ITGA9: variants seen among roughly 807,000 people sequenced by gnomAD.
ITGA9 encodes the protein integrin subunit alpha 9.
Under a neutral mutation model 127.8 loss-of-function variants are expected in ITGA9, and 56 were observed. The observed-to-expected ratio is 0.44, with a 90% CI of 0.35 to 0.55. The LOEUF is 0.55. ITGA9 is among the 20% of genes least tolerant of loss of function. The pLI, the probability that ITGA9 is intolerant of heterozygous loss-of-function variation, is 0.00. For synonymous variants in ITGA9, 508 were observed against 514.5 expected, an observed-to-expected ratio of 0.99 and a Z score of 0.17; for missense variants, 1,196 against 1,347.1, an observed-to-expected ratio of 0.89 and a Z score of 1.76.
chr3:37,629,819 A>G lies in ITGA9; in HGVS notation c.1839+483A>G, dbSNP rs888110508. Reference sequence around the variant, plus strand: ...ACTGGGGCAAGTACAGGTGGTCCACACTCATCAGATTCTGGGATGTGCGGC... The same window carrying G: ...ACTGGGGCAAGTACAGGTGGTCCACGCTCATCAGATTCTGGGATGTGCGGC... On this transcript the variant is annotated intron_variant, in intron 16 of 27. Coordinates refer to ENST00000264741, the MANE Select transcript of ITGA9 (RefSeq NM_002207.3). The surrounding 1 kb of genome is among the most constrained non-coding windows in gnomAD (Gnocchi z 4.5). 2.0e-5 allele frequency among the ~76,000 whole-genome samples: 3 copies of G among 152,146 alleles called. No homozygotes were observed. Among genetic ancestry groups the G allele is most frequent in the Non-Finnish European group, 4.4e-5 (3 of 68,022 alleles).
At chr3:37,594,902 T>C (rs1699854531) in intron 15 of ITGA9, among the ~76,000 whole-genome samples, 1 of 152,138 alleles carries the variant, frequency 6.6e-6, no homozygotes, top group South Asian at 2.1e-4. Context: ...GCAGTCCTCC[T>C]TCCTCAGCTT....
chr3:37,719,421 T>C (rs1307597080), intron 18 of ITGA9, among the ~76,000 whole-genome samples: 2 of 152,154 alleles, frequency 1.3e-5, no homozygotes, highest in Non-Finnish European at 2.9e-5. Flanking sequence ...GCCCCATCCC[T>C]TCATCTTCAG....
intron 15 of ITGA9, among the ~76,000 whole-genome samples, chr3:37,586,904 C>G (rs1699764876): frequency 6.6e-6 from 1 of 152,140 alleles, no homozygotes; most frequent in Admixed American, 6.5e-5. Context: ...ATCCCAAATC[C>G]ACACCCTTTC....
At chr3:37,667,653 A>G (rs1700598728) in intron 17 of ITGA9, among the ~76,000 whole-genome samples, 1 of 152,240 alleles carries the variant, frequency 6.6e-6, no homozygotes. Context: ...AAAGTAACTC[A>G]GGCATTGATG....
chr3:37,644,892 T>C (rs766358275), intron 16 of ITGA9, among the ~76,000 whole-genome samples: 2 of 152,212 alleles, frequency 1.3e-5, no homozygotes, highest in Non-Finnish European at 2.9e-5. Context: ...AAAGCAACAG[T>C]GTATGCCTTG....
At chr3:37,763,345 G>C (rs2125543770) in intron 23 of ITGA9, among the ~76,000 whole-genome samples, 1 of 152,314 alleles carries the variant, frequency 6.6e-6, no homozygotes, top group Admixed American at 6.5e-5. Context: ...TTTGCAATGA[G>C]AATTTCTTTG....
Position 37,629,329 on chromosome 3 carries a change from A to G in ITGA9, c.1832A>G (p.Lys611Arg). 1 of 1,614,114 alleles carries G rather than the reference A, an allele frequency of 6.2e-7. No individual in the cohort carries two copies. The highest frequency in any genetic ancestry group is 8.5e-7 in the Non-Finnish European group (1 of 1,180,008). ...RWKKGQKIAQ[K>R]NQTVFERNCR... The stretch of plus-strand genomic sequence containing the variant: ...AAAAAGGGACAAAAGATTGCCCAAA[A>G]GAATCAGGTCAGAACCTTAAAGCTC... Residue 611 changes from lysine to arginine, a missense_variant, in exon 16 of 28, where the codon AAG (lysine) becomes AGG (arginine). Lys to Arg is a conservative substitution (Grantham distance 26). Coordinates refer to ENST00000264741, the MANE Select transcript of ITGA9 (RefSeq NM_002207.3). This position sits in a 1 kb window ranked among gnomAD's most constrained non-coding sequence, Gnocchi z 4.5.
intron 17 of ITGA9, among the ~76,000 whole-genome samples, chr3:37,681,424 G>A (rs1487128058): frequency 6.6e-6 from 1 of 152,016 alleles, no homozygotes; most frequent in African/African-American, 2.4e-5. Flanking sequence ...TTCTCACATC[G>A]CTGCCACTTG....
chr3:37,508,434 A>G, intron 7 of ITGA9, 125 bp from the exon 8 acceptor site: 1 of 737,288 alleles, frequency 1.4e-6, no homozygotes, highest in Non-Finnish European at 2.3e-6. Context: ...ATCATCAGCT[A>G]GCATAAGCAC....
intron 8 of ITGA9, among the ~76,000 whole-genome samples, chr3:37,513,443 T>G (rs1463624769): frequency 6.6e-6 from 1 of 152,082 alleles, no homozygotes; most frequent in Non-Finnish European, 1.5e-5. Context: ...TATGTTTTTA[T>G]TTTTTAGTAT....
chr3:37,550,007 T>A (rs534191875), intron 15 of ITGA9, among the ~76,000 whole-genome samples: 22 of 152,330 alleles, frequency 1.4e-4, no homozygotes, highest in Non-Finnish European at 3.2e-4. Context: ...TAATCGAGCA[T>A]TTAGTATGTG....
chr3:37,714,244 A>G (rs1701109655), intron 18 of ITGA9, among the ~76,000 whole-genome samples: 1 of 152,246 alleles, frequency 6.6e-6, no homozygotes, highest in Non-Finnish European at 1.5e-5. Flanking sequence ...TAAATAAGAC[A>G]GGGCAAAATG....
At chr3:37,664,952 G>A (rs1700571853) in intron 17 of ITGA9, among the ~76,000 whole-genome samples, 1 of 145,658 alleles carries the variant, frequency 6.9e-6, no homozygotes, top group South Asian at 2.2e-4. Context: ...GCAGAAGTTT[G>A]TTGATTTGGA....
At chr3:37,589,152 G>C (rs1699788381) in intron 15 of ITGA9, among the ~76,000 whole-genome samples, 1 of 152,206 alleles carries the variant, frequency 6.6e-6, no homozygotes, top group Non-Finnish European at 1.5e-5. Context: ...TGGAAGATGA[G>C]ATGTTTGTAG....
intron 18 of ITGA9, among the ~76,000 whole-genome samples, chr3:37,706,034 G>C (rs1701001516): frequency 6.6e-6 from 1 of 152,212 alleles, no homozygotes; most frequent in African/African-American, 2.4e-5. Context: ...AAAGTGGAAA[G>C]ACTGGTAGAT....
rs117915971 is a variant in ITGA9 at position 37,461,235 on chromosome 3, C to A, written c.185+8676C>A. ...ACGATTTTTGTGCCATAAAAGGGGG[C>A]ACTGCTGAGATGCACAAGTGCCTGG... On this transcript the variant is annotated intron_variant, in intron 1 of 27. Transcript: ENST00000264741. 1.3e-4 allele frequency among the ~76,000 whole-genome samples: 20 copies of A among 152,288 alleles called. No individual in the cohort carries two copies. In the East Asian group the frequency reaches 3.3e-3, roughly 25 times the overall value.
At chr3:37,723,127 C>T (rs1234032993) in intron 18 of ITGA9, among the ~76,000 whole-genome samples, 1 of 152,120 alleles carries the variant, frequency 6.6e-6, no homozygotes, top group African/African-American at 2.4e-5. Context: ...TTTGGAAAAA[C>T]TATTCAGATC....
At chr3:37,576,133 A>T (rs2125607374) in intron 15 of ITGA9, among the ~76,000 whole-genome samples, 1 of 152,298 alleles carries the variant, frequency 6.6e-6, no homozygotes, top group East Asian at 1.9e-4. Flanking sequence ...ACACAGGGGT[A>T]AACAGGTCAG....
intron 4 of ITGA9, among the ~76,000 whole-genome samples, chr3:37,483,506 T>C (rs1304521772): frequency 1.3e-5 from 2 of 152,112 alleles, no homozygotes; most frequent in Non-Finnish European, 2.9e-5. Context: ...GAAGTAAGAA[T>C]GGGAAGGGAA....
Sources: gnomAD v4.1 joint callset for allele counts (sites outside exome capture counted in the v4.1 genomes callset) on GRCh38, gnomAD v4.1.1 for gene constraint, Gnocchi (gnomAD v3.1) non-coding constraint, MANE v1.5 for transcripts, NCBI Gene and HGNC (gene_info 2026-07-23, HGNC 2026-07-21) for gene names.